Variants in PCLO observed in about 807,000 individuals in gnomAD.
PCLO encodes protein piccolo.
In PCLO, 82 loss-of-function variants were observed where a neutral mutation model predicts 427.5. The ratio of observed to expected loss-of-function variants is 0.19; its 90% CI spans 0.16 to 0.23. The LOEUF (loss-of-function observed/expected upper bound fraction) is 0.23. PCLO is among the 10% of genes least tolerant of loss of function. PCLO has a pLI of 1.00. For synonymous variants in PCLO, 2,357 were observed against 2,155.4 expected, an observed-to-expected ratio of 1.09 and a Z score of -2.59; for missense variants, 6,239 against 6,115.9, an observed-to-expected ratio of 1.02 and a Z score of -0.67.
At chr7:82,785,214 T>G (rs1425166500) in intron 22 of PCLO, among the ~76,000 whole-genome samples, 1 of 152,140 alleles carries the variant, frequency 6.6e-6, no homozygotes, top group Non-Finnish European at 1.5e-5. Context: ...TGAAACTGTT[T>G]CATCTCAGAT....
At chr7:83,154,116 A>T (rs2116682307) in intron 2 of PCLO, among the ~76,000 whole-genome samples, 1 of 152,290 alleles carries the variant, frequency 6.6e-6, no homozygotes, top group East Asian at 1.9e-4. Flanking sequence ...GGAAACATTA[A>T]GGCTACCCAG....
intron 6 of PCLO, among the ~76,000 whole-genome samples, chr7:82,947,398 C>T (rs748654277): frequency 6.6e-6 from 1 of 150,812 alleles, no homozygotes; most frequent in African/African-American, 2.5e-5. Context: ...TATGAATATC[C>T]CTAAGAAAAT....
In PCLO at chr7:83,002,508, C is replaced by T. The variant is rs570053966; in HGVS notation, c.3301-36021G>A. Among the ~76,000 whole-genome samples the T allele has an allele frequency of 2.0e-5, 3 of 151,932 alleles. No individual in the cohort carries two copies. The East Asian group carries it at 5.8e-4, about 29-fold the overall frequency. ...TTTTACATACTCTAAAATCATACTTCAATTTATTTTAATTTGGCTTTAATA... is the reference window on the plus strand; with the variant it reads ...TTTTACATACTCTAAAATCATACTTTAATTTATTTTAATTTGGCTTTAATA... On this transcript the variant is annotated intron_variant, in intron 3 of 24. Transcript: ENST00000333891.
intron 9 of PCLO, among the ~76,000 whole-genome samples, chr7:82,891,533 CT>C (rs1474079783): frequency 6.6e-6 from 1 of 151,932 alleles, no homozygotes; most frequent in Non-Finnish European, 1.5e-5. Context: ...TTATTTCCTT[CT>C]CCTGCCTGAT....
At chr7:82,835,251 C>T (rs1486393345) in intron 16 of PCLO, among the ~76,000 whole-genome samples, 1 of 152,022 alleles carries the variant, frequency 6.6e-6, no homozygotes, top group East Asian at 1.9e-4. Flanking sequence ...ATGGGATATA[C>T]ACCTGCACTG....
Position 82,794,469 on chromosome 7 carries a change from T to G in PCLO, c.15007+7049A>C, listed in dbSNP as rs1198585539. ...TCATAAATTTTTTTTCTTTTTTTTT[T>G]TTTTTTTTTTTTTTTTTTTTGAGAC... On this transcript the variant is annotated intron_variant, in intron 22 of 24. Coordinates refer to ENST00000333891, the MANE Select transcript of PCLO (RefSeq NM_033026.6). Among the ~76,000 whole-genome samples, 679 of 93,744 alleles carry G rather than the reference T, an allele frequency of 7.2e-3. 29 individuals are homozygous for G. The highest frequency in any genetic ancestry group is 9.6e-3 in the Non-Finnish European group (461 of 48,138). 61.5% of individuals were successfully genotyped at this position (93,744 alleles called of 152,430 possible).
chr7:82,790,255 A>T (rs1041131930), intron 22 of PCLO, among the ~76,000 whole-genome samples: 1 of 152,010 alleles, frequency 6.6e-6, no homozygotes, highest in Admixed American at 6.6e-5. Flanking sequence ...ATATCTTCCA[A>T]TTGCCTATTT....
At chr7:82,899,814 G>A (rs1793997205) in intron 9 of PCLO, among the ~76,000 whole-genome samples, 2 of 151,418 alleles carry the variant, frequency 1.3e-5, no homozygotes, top group Admixed American at 6.6e-5. Context: ...GAGTAGGAAA[G>A]ATAAATAATA....
rs1041072557 is a variant in PCLO at position 83,162,701 on chromosome 7, G to A, written c.-109C>T. On this transcript the variant is annotated 5_prime_UTR_variant, in exon 1 of 25. Transcript: ENST00000333891. The stretch of plus-strand genomic sequence containing the variant: ...GCCGGGGTCCGCCTCGGGGCGTGCA[G>A]GCAGCCGAGTCCCTGGACTCTGGAC... 22 of 1,371,110 alleles carry A rather than the reference G, an allele frequency of 1.6e-5. No individual in the cohort carries two copies. Among genetic ancestry groups the A allele is most frequent in the Middle Eastern group, 2.6e-4 (1 of 3,820 alleles). The allele number at this position is 1,371,110 out of a possible 1,614,324, so 84.9% of individuals were successfully genotyped here. A position where few individuals can be genotyped will look rare whatever the true frequency, so the allele number is the denominator to read the frequency against.
At chr7:83,037,837 C>A (rs1788832843) in intron 3 of PCLO, among the ~76,000 whole-genome samples, 1 of 148,312 alleles carries the variant, frequency 6.7e-6, no homozygotes, top group African/African-American at 2.5e-5. Flanking sequence ...TTAAAATCTA[C>A]ATATAATGAC....
Position 82,801,086 on chromosome 7 carries a change from G to A in PCLO, c.15007+432C>T, listed in dbSNP as rs1791337423. Among the ~76,000 whole-genome samples the A allele has an allele frequency of 2.0e-5, 3 of 150,342 alleles. No homozygotes were observed. The South Asian group carries it at 6.4e-4, about 32-fold the overall frequency. On this transcript the variant is annotated intron_variant, in intron 22 of 24. Transcript: ENST00000333891. ...TTAGCAATTAATTTTTCTGTAAAAT[G>A]ATTTTTACACCATTAATTTCTTCTC...
At chr7:82,825,467 A>C (rs1791911652) in intron 18 of PCLO, among the ~76,000 whole-genome samples, 1 of 152,004 alleles carries the variant, frequency 6.6e-6, no homozygotes, top group African/African-American at 2.4e-5. Flanking sequence ...AGAGATGTGC[A>C]AAGTCTTAAG....
rs4140999 is a variant in PCLO at position 83,111,183 on chromosome 7, A to G, written c.3300+23067T>C. Among the ~76,000 whole-genome samples, 85 of 152,304 alleles carry G rather than the reference A, an allele frequency of 5.6e-4. No homozygotes were observed. In the East Asian group the frequency reaches 0.016, roughly 29 times the overall value. On this transcript the variant is annotated intron_variant, in intron 3 of 24. Coordinates refer to ENST00000333891, the MANE Select transcript of PCLO (RefSeq NM_033026.6). ...CAATAGACATTCTCTCCTTCACAAA[A>G]TTTTATTTTATTCAATTCAATCACT...
chr7:83,093,055 G>C (rs1393822662), intron 3 of PCLO, among the ~76,000 whole-genome samples: 2 of 151,722 alleles, frequency 1.3e-5, no homozygotes, highest in Non-Finnish European at 2.9e-5. Context: ...ACTATTGCTA[G>C]GCTCAGAAAT....
At chr7:83,050,208 G>GAAAAAAAA (rs556193471) in intron 3 of PCLO, among the ~76,000 whole-genome samples, 7 of 5,458 alleles carry the variant, frequency 1.3e-3, no homozygotes, top group Non-Finnish European at 2.1e-3. Flanking sequence ...CTGAAAAACT[G>GAAAAAAAA]AAAAAAAAAA....
rs371753774 is a variant in PCLO at position 82,846,569 on chromosome 7, G to A, written c.13829C>T (p.Ala4610Val). Residue 4610 changes from alanine to valine, a missense_variant and splice_region_variant, in exon 12 of 25, where the codon GCT becomes GTT. This residue lies in a region of PCLO where 877 missense variants were observed against 925.5 expected (regional missense o/e 0.95). Transcript: ENST00000333891. Reference protein sequence around the residue: ...QHLELHEPPKAVDKAKSPGVD... With the variant: ...QHLELHEPPKVVDKAKSPGVD... ...GAAACTAGATTTCTTTTACCTACCA[G>A]CTTTTGGTGGCTCATGAAGTTCCAG... 9 of 1,600,356 alleles carry A rather than the reference G, an allele frequency of 5.6e-6. No homozygotes were observed. Among genetic ancestry groups the A allele is most frequent in the Non-Finnish European group, 7.7e-6 (9 of 1,170,000 alleles).
At chr7:82,900,995 G>A (rs1794024875) in intron 9 of PCLO, among the ~76,000 whole-genome samples, 1 of 151,576 alleles carries the variant, frequency 6.6e-6, no homozygotes, top group Non-Finnish European at 1.5e-5. Context: ...TAGAAATAGG[G>A]GAATTTGTTC....
At chr7:82,854,628 T>C (rs1395126809) in intron 10 of PCLO, among the ~76,000 whole-genome samples, 1 of 152,156 alleles carries the variant, frequency 6.6e-6, no homozygotes, top group East Asian at 1.9e-4. Context: ...AAACAGATTG[T>C]TATGCAAACT....
intron 4 of PCLO, among the ~76,000 whole-genome samples, chr7:82,959,300 G>A (rs576278093): frequency 1.6e-4 from 24 of 152,174 alleles, no homozygotes; most frequent in African/African-American, 5.1e-4. Flanking sequence ...TCCTGACCTC[G>A]TGATCCGCCC....
Sources: allele counts gnomAD v4.1 joint callset (sites outside exome capture counted in the v4.1 genomes callset), GRCh38; gene constraint gnomAD v4.1.1; regional missense constraint gnomAD v4.1.1; transcripts MANE v1.5; gene names NCBI Gene and HGNC (gene_info 2026-07-23, HGNC 2026-07-21).